ASTN2: variants seen among roughly 807,000 people sequenced by gnomAD.
ASTN2 encodes the protein astrotactin-2.
In ASTN2, 54 loss-of-function variants were observed where a neutral mutation model predicts 139.8. The ratio of observed to expected loss-of-function variants is 0.39; its 90% CI spans 0.31 to 0.48. The LOEUF (loss-of-function observed/expected upper bound fraction) is 0.48. Ranked by LOEUF, ASTN2 falls within the 20% of genes least tolerant of loss-of-function variation. ASTN2 has a pLI of 0.95. For missense variants in ASTN2, 1,565 were observed against 1,725.1 expected (o/e 0.91, Z 1.64); for synonymous variants, 756 against 719.5 (o/e 1.05, Z -0.81).
chr9:116,530,122 T>G (rs1851267724), intron 19 of ASTN2, among the ~76,000 whole-genome samples: 1 of 49,686 alleles, frequency 2.0e-5, no homozygotes, highest in African/African-American at 8.6e-5. Flanking sequence ...TATATATATA[T>G]ATATATATAT....
At chr9:116,556,234 G>C (rs1370357685) in intron 19 of ASTN2, among the ~76,000 whole-genome samples, 1 of 152,202 alleles carries the variant, frequency 6.6e-6, no homozygotes, top group African/African-American at 2.4e-5. Flanking sequence ...CCAAGAGACT[G>C]GGAAAATTTT....
chr9:116,477,243 G>A (rs1849010251), intron 20 of ASTN2, among the ~76,000 whole-genome samples: 1 of 152,172 alleles, frequency 6.6e-6, no homozygotes, highest in Non-Finnish European at 1.5e-5. Context: ...CTTGGCTTGG[G>A]ATGCACGGCT....
intron 5 of ASTN2, among the ~76,000 whole-genome samples, chr9:117,053,614 C>T (rs1292748395): frequency 6.6e-6 from 1 of 152,198 alleles, no homozygotes; most frequent in African/African-American, 2.4e-5. Context: ...AACATCCTGG[C>T]TCTTCTCAGT....
intron 10 of ASTN2, among the ~76,000 whole-genome samples, chr9:116,943,064 T>C (rs909834113): frequency 2.0e-5 from 3 of 152,228 alleles, no homozygotes; most frequent in Non-Finnish European, 4.4e-5. Context: ...ATATTAAATC[T>C]GCACCTACTA....
intron 19 of ASTN2, among the ~76,000 whole-genome samples, chr9:116,559,203 C>G (rs1417597985): frequency 6.6e-6 from 1 of 152,226 alleles, no homozygotes; most frequent in East Asian, 1.9e-4. Flanking sequence ...CCCTTGGAAA[C>G]TCCACTCTGG....
At chr9:116,995,377 A>G (rs1836986137) in intron 7 of ASTN2, among the ~76,000 whole-genome samples, 1 of 152,218 alleles carries the variant, frequency 6.6e-6, no homozygotes, top group Non-Finnish European at 1.5e-5. Context: ...AGGTCATACT[A>G]TGGGTAAATT....
At chr9:116,772,512 G>A (rs1395276347) in intron 13 of ASTN2, among the ~76,000 whole-genome samples, 2 of 152,192 alleles carry the variant, frequency 1.3e-5, no homozygotes, top group African/African-American at 4.8e-5. Context: ...AGCAGCATGA[G>A]AACAGAGTAA....
At chr9:116,524,744 G>A (rs779878496) in intron 19 of ASTN2, among the ~76,000 whole-genome samples, 6 of 152,208 alleles carry the variant, frequency 3.9e-5, no homozygotes, top group Non-Finnish European at 7.3e-5. Context: ...CCCCTCACAT[G>A]ACTTTCACAT....
At chr9:116,957,783 C>T (rs773353991) in intron 10 of ASTN2, among the ~76,000 whole-genome samples, 12 of 152,300 alleles carry the variant, frequency 7.9e-5, no homozygotes, top group African/African-American at 1.9e-4. Flanking sequence ...CAGGTTGAAG[C>T]GATTCTCCTG....
Position 116,863,722 on chromosome 9 carries a change from A to T in ASTN2, c.1901T>A (p.Met634Lys). ...EDPADVREEAMLSTYFETIND... is the reference protein window; with the variant it reads ...EDPADVREEAKLSTYFETIND... ...GATGGTTTCAAAGTATGTGGACAGC[A>T]TCGCTTCTTCCCTTGGAGAGAAAGG... is the stretch of plus-strand genomic sequence containing the variant. The change falls in exon 11 of 23, where the codon ATG becomes AAG. Residue 634 changes from methionine (M) to lysine (K), a missense_variant. This residue lies in a region of ASTN2 where 503 missense variants were observed against 591.7 expected (regional missense o/e 0.85). Coordinates refer to ENST00000313400, the MANE Select transcript of ASTN2 (RefSeq NM_001365068.1). The T allele has an allele frequency of 1.9e-6, 3 of 1,613,068 alleles. No individual in the cohort carries two copies. Among genetic ancestry groups the T allele is most frequent in the Non-Finnish European group, 2.5e-6 (3 of 1,179,390 alleles).
chr9:116,946,043 C>A (rs927508899), intron 10 of ASTN2, among the ~76,000 whole-genome samples: 10 of 152,162 alleles, frequency 6.6e-5, no homozygotes, highest in African/African-American at 2.4e-4. Flanking sequence ...GGAGGAAGTG[C>A]CACACTTACA....
intron 3 of ASTN2, among the ~76,000 whole-genome samples, chr9:117,212,904 A>G (rs2133018150): frequency 6.6e-6 from 1 of 152,304 alleles, no homozygotes; most frequent in East Asian, 1.9e-4. Flanking sequence ...AAAAAGAACT[A>G]CCATATATCT....
intron 19 of ASTN2, among the ~76,000 whole-genome samples, chr9:116,580,228 A>T (rs1853895207): frequency 6.6e-6 from 1 of 152,224 alleles, no homozygotes; most frequent in Non-Finnish European, 1.5e-5. Flanking sequence ...ATTAGTTCTC[A>T]GAGCAAAGGT....
chr9:117,228,410 G>T (rs1832782295), intron 2 of ASTN2, among the ~76,000 whole-genome samples: 1 of 152,074 alleles, frequency 6.6e-6, no homozygotes, highest in South Asian at 2.1e-4. Flanking sequence ...TTGTTTTGCT[G>T]CCATTTTACA....
At chr9:117,221,697 TG>T (rs1378120403) in intron 2 of ASTN2, among the ~76,000 whole-genome samples, 3 of 152,164 alleles carry the variant, frequency 2.0e-5, no homozygotes, top group African/African-American at 7.2e-5. Context: ...GGTGATCCAC[TG>T]GGCCTTCTCT....
chr9:116,648,782 C>A (rs571163659), intron 17 of ASTN2, among the ~76,000 whole-genome samples: 1 of 152,164 alleles, frequency 6.6e-6, no homozygotes, highest in East Asian at 1.9e-4. Context: ...ACCTGTAATT[C>A]CAGCACTTTG....
intron 11 of ASTN2, among the ~76,000 whole-genome samples, chr9:116,840,519 CCT>C: frequency 8.1e-6 from 1 of 122,876 alleles, no homozygotes; most frequent in Non-Finnish European, 1.7e-5. Context: ...ACCCCCCCCA[CCT>C]CCCTCCTGGA....
chr9:117,123,464 T>C (rs2132819363), intron 4 of ASTN2, among the ~76,000 whole-genome samples: 1 of 152,228 alleles, frequency 6.6e-6, no homozygotes, highest in Non-Finnish European at 1.5e-5. Flanking sequence ...ACCTGTAAAA[T>C]ATGGATAATA....
Position 116,510,417 on chromosome 9 carries a change from A to C in ASTN2, c.3356-22917T>G, listed in dbSNP as rs141259465. ...TTTGGTTACTATAGCCTTGTAGTAT[A>C]GTTTGAAATCAGGTAGCGTGATGCC... On this transcript the variant is annotated intron_variant, in intron 19 of 22. Transcript: ENST00000313400. Among the ~76,000 whole-genome samples the C allele has an allele frequency of 8.3e-3, 1,260 of 152,218 alleles. 59 individuals are homozygous for C. Among genetic ancestry groups the C allele is most frequent in the Admixed American group, 0.075 (1,154 of 15,286 alleles).
Sources: gnomAD v4.1 joint callset for allele counts (sites outside exome capture counted in the v4.1 genomes callset) on GRCh38, gnomAD v4.1.1 for gene constraint, gnomAD v4.1.1 regional missense constraint, MANE v1.5 for transcripts, NCBI Gene and HGNC (gene_info 2026-07-23, HGNC 2026-07-21) for gene names.